Variants in KCNT2 observed in about 807,000 individuals in gnomAD.
KCNT2 encodes potassium channel subfamily T member 2.
KCNT2 carries 67 observed loss-of-function variants against 153.8 expected under a neutral mutation model. The observed-to-expected ratio is 0.44, with a 90% CI of 0.36 to 0.53. The LOEUF (loss-of-function observed/expected upper bound fraction) is 0.53, where lower values mean the gene tolerates loss of function less well. Ranked by LOEUF, KCNT2 falls within the 20% of genes least tolerant of loss-of-function variation. The probability of loss-of-function intolerance (pLI) is 0.00; values close to 1 mark genes in which losing one functional copy is unlikely to be tolerated. For missense variants in KCNT2, 975 were observed against 1,354.8 expected, an observed-to-expected ratio of 0.72 and a Z score of 4.40; for synonymous variants, 500 against 458.8, an observed-to-expected ratio of 1.09 and a Z score of -1.15.
intron 1 of KCNT2, among the ~76,000 whole-genome samples, chr1:196,519,602 A>G (rs760432177): frequency 5.9e-5 from 9 of 152,122 alleles, no homozygotes; most frequent in Non-Finnish European, 1.0e-4. Flanking sequence ...CAGAAACAAC[A>G]AAGGAGATAT....
At chr1:196,342,902 G>T in intron 14 of KCNT2, among the ~76,000 whole-genome samples, 1 of 152,100 alleles carries the variant, frequency 6.6e-6, no homozygotes. Context: ...CATTATGATG[G>T]TATTTGGGAG....
intron 14 of KCNT2, among the ~76,000 whole-genome samples, chr1:196,361,204 G>GAC (rs34251987): frequency 0.017 from 2,485 of 149,148 alleles, 23 homozygotes; most frequent in Non-Finnish European, 0.022. Flanking sequence ...ACAGACACCA[G>GAC]ACACACACAC....
intron 27 of KCNT2, among the ~76,000 whole-genome samples, chr1:196,229,414 C>T (rs983646504): frequency 6.6e-6 from 1 of 151,994 alleles, no homozygotes; most frequent in Non-Finnish European, 1.5e-5. Context: ...CTGATCACTC[C>T]ACCAACTGGC....
intron 5 of KCNT2, among the ~76,000 whole-genome samples, chr1:196,473,574 C>G (rs1215783420): frequency 6.6e-6 from 1 of 152,094 alleles, no homozygotes; most frequent in Non-Finnish European, 1.5e-5. Flanking sequence ...TTTTCATGGT[C>G]TAAAATTGTA....
chr1:196,284,248 A>AAAAAAAAAAATATATATAT, intron 23 of KCNT2, among the ~76,000 whole-genome samples: 2 of 10,050 alleles, frequency 2.0e-4, no homozygotes, highest in African/African-American at 2.7e-4. Flanking sequence ...AAAAAAAAAA[A>AAAAAAAAAAATATATATAT]ATATATATAT....
intron 1 of KCNT2, among the ~76,000 whole-genome samples, chr1:196,602,181 G>A (rs1032427544): frequency 1.3e-5 from 2 of 151,994 alleles, no homozygotes; most frequent in Non-Finnish European, 2.9e-5. Flanking sequence ...GAAGGATACC[G>A]CTAAACATTA....
intron 13 of KCNT2, among the ~76,000 whole-genome samples, chr1:196,385,853 A>G (rs1343307338): frequency 6.6e-6 from 1 of 151,856 alleles, no homozygotes; most frequent in Non-Finnish European, 1.5e-5. Context: ...TGTGGTAGCC[A>G]GCCTCCAGGA....
In KCNT2 at chr1:196,489,953, A is replaced by G. The variant is rs1231352549; in HGVS notation, c.176-16T>C. Reference sequence around the variant, plus strand: ...ATCCTTAGACCTTTAAACAAATGATAAAAGTTTGATTTTCATCTGAACTTA... The same window carrying G: ...ATCCTTAGACCTTTAAACAAATGATGAAAGTTTGATTTTCATCTGAACTTA... On this transcript the variant is annotated splice_polypyrimidine_tract_variant and intron_variant, in intron 2 of 27. Transcript: ENST00000294725. 1.0e-5 allele frequency: 13 copies of G among 1,280,906 alleles called. No homozygotes were observed. The East Asian group carries it at 3.3e-4, about 33-fold the overall frequency. The allele number at this position is 1,280,906 out of a possible 1,614,324, so 79.3% of individuals were successfully genotyped here.
chr1:196,291,643 C>A (rs1660193859), intron 22 of KCNT2, among the ~76,000 whole-genome samples: 1 of 152,082 alleles, frequency 6.6e-6, no homozygotes, highest in East Asian at 1.9e-4. Context: ...CAACATATGG[C>A]TAGAAGTTAC....
At chr1:196,517,470 A>C (rs964206245) in intron 1 of KCNT2, among the ~76,000 whole-genome samples, 1 of 152,226 alleles carries the variant, frequency 6.6e-6, no homozygotes. Flanking sequence ...ATAAGAATGA[A>C]GATCACCAAG....
intron 2 of KCNT2, among the ~76,000 whole-genome samples, chr1:196,490,227 A>G (rs533371494): frequency 7.2e-5 from 11 of 151,752 alleles, no homozygotes; most frequent in Non-Finnish European, 1.5e-4. Context: ...TTTGTGTCCA[A>G]TCGAGGTTGA....
At chr1:196,592,655 A>ATG (rs1361741632) in intron 1 of KCNT2, among the ~76,000 whole-genome samples, 2 of 146,996 alleles carry the variant, frequency 1.4e-5, no homozygotes, top group Non-Finnish European at 3.0e-5. Flanking sequence ...AAATACATAT[A>ATG]TATGTCTATA....
chr1:196,569,144 T>C (rs1046299829), intron 1 of KCNT2, among the ~76,000 whole-genome samples: 3 of 152,152 alleles, frequency 2.0e-5, no homozygotes, highest in Non-Finnish European at 2.9e-5. Flanking sequence ...CCTCTTAATC[T>C]GTTGAAAAAT....
At chr1:196,233,525 C>A (rs185738224) in intron 27 of KCNT2, among the ~76,000 whole-genome samples, 1 of 151,346 alleles carries the variant, frequency 6.6e-6, no homozygotes, top group Non-Finnish European at 1.5e-5. Context: ...CCCTATTTAG[C>A]CTTTTTCAGC....
At chr1:196,342,904 A>G (rs1250283630) in intron 14 of KCNT2, among the ~76,000 whole-genome samples, 1 of 152,124 alleles carries the variant, frequency 6.6e-6, no homozygotes, top group Non-Finnish European at 1.5e-5. Flanking sequence ...TTATGATGGT[A>G]TTTGGGAGTG....
chr1:196,383,004 G>GA (rs1037313605), intron 13 of KCNT2, among the ~76,000 whole-genome samples: 21 of 152,042 alleles, frequency 1.4e-4, no homozygotes, highest in African/African-American at 4.8e-4. Flanking sequence ...AAAGCTATGG[G>GA]AAAAAAATGA....
intron 1 of KCNT2, among the ~76,000 whole-genome samples, chr1:196,504,083 T>C (rs941668503): frequency 6.6e-6 from 1 of 152,122 alleles, no homozygotes; most frequent in African/African-American, 2.4e-5. Context: ...TACAAATGGG[T>C]TTTTTTAATT....
intron 14 of KCNT2, among the ~76,000 whole-genome samples, chr1:196,358,878 T>C (rs753094019): frequency 4.0e-5 from 6 of 151,868 alleles, no homozygotes; most frequent in African/African-American, 1.4e-4. Context: ...GTACAAGATA[T>C]AAGGACATTA....
At chr1:196,485,220 C>A (rs1353338971) in intron 3 of KCNT2, among the ~76,000 whole-genome samples, 1 of 151,974 alleles carries the variant, frequency 6.6e-6, no homozygotes, top group Non-Finnish European at 1.5e-5. Context: ...ACCACATATT[C>A]TCACTCATCG....
Sources: allele counts gnomAD v4.1 joint callset (sites outside exome capture counted in the v4.1 genomes callset), GRCh38; gene constraint gnomAD v4.1.1; transcripts MANE v1.5; gene names NCBI Gene and HGNC (gene_info 2026-07-23, HGNC 2026-07-21).